The following C12orf42 variants were observed in gnomAD, a reference collection of about 807,000 sequenced individuals.
C12orf42 encodes chromosome 12 open reading frame 42, also known as uncharacterized protein C12orf42.
Under a neutral mutation model 21.6 loss-of-function variants are expected in C12orf42, and 25 were observed. The observed-to-expected ratio is 1.16, with a 90% confidence interval of 0.84 to 1.62. The LOEUF (loss-of-function observed/expected upper bound fraction) is 1.62, where lower values mean the gene tolerates loss of function less well. C12orf42 is among the 40% of genes most tolerant of loss of function. C12orf42 has a pLI of 0.00. For synonymous variants in C12orf42, 174 were observed against 175.0 expected, an observed-to-expected ratio of 0.99 and a Z score of 0.05; for missense variants, 483 against 459.3, an observed-to-expected ratio of 1.05 and a Z score of -0.47.
chr12:103,494,401 C>T (rs976532231), intron 1 of C12orf42, among the ~76,000 whole-genome samples: 1 of 152,230 alleles, frequency 6.6e-6, no homozygotes, highest in African/African-American at 2.4e-5. Context: ...TTCGACAGCT[C>T]TGTGACCCTG....
At chr12:103,123,591 G>A in the C12orf42 span, among the ~76,000 whole-genome samples, 30 of 152,238 alleles carry the variant, frequency 2.0e-4, no homozygotes, top group South Asian at 5.2e-3. Flanking sequence ...TTAGACTTAC[G>A]TTTCCCAATA....
the C12orf42 span, among the ~76,000 whole-genome samples, chr12:103,090,871 C>T: frequency 6.6e-6 from 1 of 151,968 alleles, no homozygotes; most frequent in African/African-American, 2.4e-5. Context: ...CAATGGATAA[C>T]TTTTTGTTCC....
the C12orf42 span, among the ~76,000 whole-genome samples, chr12:103,188,052 T>C: frequency 6.6e-6 from 1 of 152,206 alleles, no homozygotes; most frequent in Admixed American, 6.5e-5. Flanking sequence ...CTCTCATTTA[T>C]GTGTCTTGGG....
chr12:103,178,810 G>A, the C12orf42 span: 2 of 152,224 alleles, frequency 1.3e-5, no homozygotes, highest in South Asian at 4.1e-4. Flanking sequence ...AGGGATGTGA[G>A]AGGGTAGGAG....
chr12:103,089,101 C>CAAAAAAAAA, the C12orf42 span, among the ~76,000 whole-genome samples: 11 of 54,844 alleles, frequency 2.0e-4, no homozygotes, highest in African/African-American at 3.9e-4. Context: ...GACTCCATCT[C>CAAAAAAAAA]AAAAAAAAAA....
rs918785039 is a variant in C12orf42, at chr12:103,490,379, T to C, written c.-22+5523A>G. Among the ~76,000 whole-genome samples, 14 of 152,304 alleles carry C rather than the reference T, an allele frequency of 9.2e-5. No individual in the cohort carries two copies. In the South Asian group the frequency reaches 2.7e-3, roughly 29 times the overall value. On this transcript the variant is annotated intron_variant, in intron 1 of 5. Transcript: ENST00000548883. Reference sequence around the variant, plus strand: ...GTTATATAGGATAACTGGTCTGAAATTCTCTTAAAAATACAAAATCCCCCA... The same window carrying C: ...GTTATATAGGATAACTGGTCTGAAACTCTCTTAAAAATACAAAATCCCCCA...
chr12:103,543,733 G>A, the C12orf42 span, among the ~76,000 whole-genome samples: 4 of 151,992 alleles, frequency 2.6e-5, no homozygotes, highest in Non-Finnish European at 5.9e-5. Flanking sequence ...TACAATTTAT[G>A]TTGGTTTTAG....
At chr12:103,289,065 C>G (rs1288068017) in intron 4 of C12orf42, among the ~76,000 whole-genome samples, 1 of 152,064 alleles carries the variant, frequency 6.6e-6, no homozygotes, top group South Asian at 2.1e-4. Context: ...CTTGGAAAAA[C>G]AAACTGAGCA....
chr12:103,398,070 T>G (rs1001332255), intron 3 of C12orf42, among the ~76,000 whole-genome samples: 3 of 152,098 alleles, frequency 2.0e-5, no homozygotes, highest in African/African-American at 4.8e-5. Flanking sequence ...AAAAATAAAA[T>G]AAAAGGTGTT....
At chr12:103,353,788 C>T (rs769755688) in intron 4 of C12orf42, among the ~76,000 whole-genome samples, 10 of 152,240 alleles carry the variant, frequency 6.6e-5, no homozygotes, top group Non-Finnish European at 8.8e-5. Context: ...GTGAGAATGA[C>T]GCAGAAATAT....
chr12:103,212,610 T>C, the C12orf42 span, among the ~76,000 whole-genome samples: 1 of 152,200 alleles, frequency 6.6e-6, no homozygotes, highest in Non-Finnish European at 1.5e-5. Context: ...CATCTGTTTG[T>C]CTCTCTTTTT....
At chr12:103,539,429 AG>A in the C12orf42 span, among the ~76,000 whole-genome samples, 20 of 152,104 alleles carry the variant, frequency 1.3e-4, no homozygotes, top group African/African-American at 4.3e-4. Context: ...AATACTGACA[AG>A]CTACATCTAC....
chr12:103,308,996 T>C (rs1253697790), intron 4 of C12orf42, among the ~76,000 whole-genome samples: 1 of 152,188 alleles, frequency 6.6e-6, no homozygotes, highest in African/African-American at 2.4e-5. Flanking sequence ...AACAGCTTTC[T>C]CCTTCAGAAT....
chr12:103,084,790 A>T, the C12orf42 span, among the ~76,000 whole-genome samples: 1 of 152,342 alleles, frequency 6.6e-6, no homozygotes, highest in African/African-American at 2.4e-5. Context: ...CCAAGTATGC[A>T]TTGAGATACT....
At chr12:103,180,615 C>CTTTTTTTTT in the C12orf42 span, among the ~76,000 whole-genome samples, 48 of 61,992 alleles carry the variant, frequency 7.7e-4, 4 homozygotes, top group African/African-American at 3.2e-3. Context: ...AAATAATTTC[C>CTTTTTTTTT]TTTTTTTTTT....
chr12:103,129,505 C>A, the C12orf42 span, among the ~76,000 whole-genome samples: 1 of 152,116 alleles, frequency 6.6e-6, no homozygotes. Context: ...AAAGTTTTCC[C>A]AATCAGTAAG....
the C12orf42 span, among the ~76,000 whole-genome samples, chr12:103,212,839 G>T: frequency 6.6e-6 from 1 of 151,452 alleles, no homozygotes; most frequent in Non-Finnish European, 1.5e-5. Flanking sequence ...TATGATTATT[G>T]TAGGCATCCT....
At chr12:103,535,593 T>G in the C12orf42 span, among the ~76,000 whole-genome samples, 1 of 151,914 alleles carries the variant, frequency 6.6e-6, no homozygotes, top group African/African-American at 2.4e-5. Context: ...AGTAGGGAGG[T>G]AATATATCAG....
chr12:103,321,782 A>G (rs1593423887), intron 4 of C12orf42, among the ~76,000 whole-genome samples: 1 of 146,806 alleles, frequency 6.8e-6, no homozygotes, highest in South Asian at 2.2e-4. Context: ...ACCAAACACC[A>G]CATATTCTCA....
Sources: gnomAD v4.1 joint callset for allele counts (sites outside exome capture counted in the v4.1 genomes callset) on GRCh38, gnomAD v4.1.1 for gene constraint, MANE v1.5 for transcripts, NCBI Gene and HGNC (gene_info 2026-07-23, HGNC 2026-07-21) for gene names.